The following PRKN variants were observed in gnomAD, a reference collection of about 807,000 sequenced individuals.
PRKN encodes parkin RBR E3 ubiquitin protein ligase.
Under a neutral mutation model 59.5 loss-of-function variants are expected in PRKN, and 56 were observed. That is an observed-to-expected ratio of 0.94 (90% confidence interval 0.76 to 1.18). The LOEUF (loss-of-function observed/expected upper bound fraction) is 1.18. PRKN is among the 50% of genes most tolerant of loss of function. PRKN has a pLI of 0.00. For missense variants in PRKN, 657 were observed against 596.4 expected (o/e 1.10, Z -1.06); for synonymous variants, 250 against 222.1 (o/e 1.13, Z -1.12).
At chr6:161,536,571 A>C (rs1026559688) in intron 9 of PRKN, among the ~76,000 whole-genome samples, 23 of 152,198 alleles carry the variant, frequency 1.5e-4, no homozygotes, top group African/African-American at 5.3e-4. Context: ...GCTGCCAGCC[A>C]GGTGCTGGGG....
At chr6:161,862,807 G>T (rs143002449) in intron 6 of PRKN, among the ~76,000 whole-genome samples, 48 of 152,228 alleles carry the variant, frequency 3.2e-4, no homozygotes, top group African/African-American at 1.2e-3. Context: ...CAGAAGCAAC[G>T]AAGACCCGTC....
intron 1 of PRKN, among the ~76,000 whole-genome samples, chr6:162,622,653 C>T (rs1016371395): frequency 2.6e-5 from 4 of 152,134 alleles, no homozygotes; most frequent in African/African-American, 9.7e-5. Context: ...ATCCTAGTTA[C>T]TTTTCTAAGT....
At chr6:162,349,023 T>C (rs892773602) in intron 2 of PRKN, among the ~76,000 whole-genome samples, 1 of 152,170 alleles carries the variant, frequency 6.6e-6, no homozygotes, top group Admixed American at 6.5e-5. Flanking sequence ...GGACAAATTC[T>C]TTGAAAGACA....
chr6:162,633,590 T>C (rs539322008), intron 1 of PRKN, among the ~76,000 whole-genome samples: 8 of 152,232 alleles, frequency 5.3e-5, no homozygotes, highest in South Asian at 4.1e-4. Context: ...TGAGAAATCA[T>C]GTGAATTCAC....
At chr6:162,537,405 G>T (rs550288563) in intron 1 of PRKN, among the ~76,000 whole-genome samples, 2 of 152,056 alleles carry the variant, frequency 1.3e-5, no homozygotes, top group African/African-American at 4.8e-5. Flanking sequence ...AGGGGTTTCC[G>T]CATCACCTAT....
intron 2 of PRKN, among the ~76,000 whole-genome samples, chr6:162,403,940 G>C (rs553185285): frequency 6.6e-6 from 1 of 152,116 alleles, no homozygotes; most frequent in Non-Finnish European, 1.5e-5. Flanking sequence ...GGTGGTGAAG[G>C]CTTACCTGTT....
chr6:162,406,649 C>G (rs979087029), intron 2 of PRKN, among the ~76,000 whole-genome samples: 3 of 152,132 alleles, frequency 2.0e-5, no homozygotes, highest in African/African-American at 7.2e-5. Context: ...GGTCAAGAGT[C>G]TAATCATTAC....
rs2115292433 is a variant in PRKN at position 161,497,995 on chromosome 6, C to T, written c.1083+50859G>A. Reference sequence around the variant, plus strand: ...AATGACGGGAGAGAGGAAACCTTTGCTTCCATGAGGGGATATTTGTTCTTC... The same window carrying T: ...AATGACGGGAGAGAGGAAACCTTTGTTTCCATGAGGGGATATTTGTTCTTC... On this transcript the variant is annotated intron_variant, in intron 9 of 11. Coordinates refer to ENST00000366898, the MANE Select transcript of PRKN (RefSeq NM_004562.3). The surrounding 1 kb of genome is among the most constrained non-coding windows in gnomAD (Gnocchi z 4.6). Among the ~76,000 whole-genome samples, 2 of 152,256 alleles carry T rather than the reference C, an allele frequency of 1.3e-5. No homozygotes were observed. Among genetic ancestry groups the T allele is most frequent in the East Asian group, 3.9e-4 (2 of 5,174 alleles).
intron 1 of PRKN, chr6:162,624,204 TGCCACTGCACTCCA>T (rs1782790997): frequency 6.7e-6 from 1 of 148,736 alleles, no homozygotes; most frequent in Non-Finnish European, 1.5e-5. Flanking sequence ...GCTGGGATCA[TGCCACTGCACTCCA>T]GCCTGGGCAA....
At chr6:161,598,171 T>G (rs1278958907) in intron 7 of PRKN, among the ~76,000 whole-genome samples, 1 of 152,160 alleles carries the variant, frequency 6.6e-6, no homozygotes, top group Non-Finnish European at 1.5e-5. Context: ...GATAAATTAG[T>G]TGTGTGGTCC....
chr6:161,575,139 A>G lies in PRKN; in HGVS notation c.872-5723T>C, dbSNP rs1781082153. Reference sequence around the variant, plus strand: ...CTGAGCTCATTGGTGTTCAATGAATACCAGCTTTTTGGTGTTAAAAATGAA... The same window carrying G: ...CTGAGCTCATTGGTGTTCAATGAATGCCAGCTTTTTGGTGTTAAAAATGAA... On this transcript the variant is annotated intron_variant, in intron 7 of 11. Transcript: ENST00000366898. This position sits in a 1 kb window ranked among gnomAD's most constrained non-coding sequence, Gnocchi z 4.6. Among the ~76,000 whole-genome samples the G allele has an allele frequency of 6.6e-6, 1 of 152,198 alleles. No homozygotes were observed. The highest frequency in any genetic ancestry group is 2.4e-5 in the African/African-American group (1 of 41,456).
intron 2 of PRKN, among the ~76,000 whole-genome samples, chr6:162,276,656 T>G (rs962686518): frequency 6.6e-6 from 1 of 151,918 alleles, no homozygotes; most frequent in Non-Finnish European, 1.5e-5. Flanking sequence ...TTTTTGTTTG[T>G]TTTTAGATTT....
At chr6:161,667,800 T>G (rs1390773882) in intron 7 of PRKN, among the ~76,000 whole-genome samples, 1 of 152,198 alleles carries the variant, frequency 6.6e-6, no homozygotes, top group Non-Finnish European at 1.5e-5. Context: ...TTACAGGTAA[T>G]TCTTATTATA....
At chr6:162,179,214 C>T (rs1434593864) in intron 4 of PRKN, among the ~76,000 whole-genome samples, 1 of 152,156 alleles carries the variant, frequency 6.6e-6, no homozygotes, top group Non-Finnish European at 1.5e-5. Flanking sequence ...GAAAACTGGG[C>T]CTGCAGCTCT....
chr6:161,636,399 A>G (rs948265604), intron 7 of PRKN, among the ~76,000 whole-genome samples: 3 of 152,192 alleles, frequency 2.0e-5, no homozygotes, highest in Non-Finnish European at 4.4e-5. Context: ...TTCCGGAGAC[A>G]CTGGGCCGGA....
chr6:161,515,488 T>C (rs1778554851), intron 9 of PRKN, among the ~76,000 whole-genome samples: 2 of 152,214 alleles, frequency 1.3e-5, no homozygotes, highest in Non-Finnish European at 1.5e-5. Flanking sequence ...GGTTGTGGGA[T>C]GCTTAGGCTA....
chr6:162,607,039 GGAA>G (rs1422223551), intron 1 of PRKN, among the ~76,000 whole-genome samples: 3 of 152,068 alleles, frequency 2.0e-5, no homozygotes, highest in Non-Finnish European at 4.4e-5. Context: ...CAAAAACACT[GGAA>G]GAAGACCCAG....
chr6:161,437,102 G>A (rs770227084), intron 9 of PRKN, among the ~76,000 whole-genome samples: 1 of 152,040 alleles, frequency 6.6e-6, no homozygotes, highest in Non-Finnish European at 1.5e-5. Flanking sequence ...TGCCTATTAC[G>A]AAGCTTAACT....
At chr6:162,721,126 C>A (rs1272027486) in intron 1 of PRKN, among the ~76,000 whole-genome samples, 1 of 152,166 alleles carries the variant, frequency 6.6e-6, no homozygotes, top group African/African-American at 2.4e-5. Context: ...GCACAATTAC[C>A]CTGCCATTCT....
Sources: allele counts gnomAD v4.1 joint callset (sites outside exome capture counted in the v4.1 genomes callset), GRCh38; gene constraint gnomAD v4.1.1; non-coding constraint Gnocchi (gnomAD v3.1); transcripts MANE v1.5; gene names NCBI Gene and HGNC (gene_info 2026-07-23, HGNC 2026-07-21).